PTPRD: variants seen among roughly 807,000 people sequenced by gnomAD.
The protein encoded by PTPRD is protein tyrosine phosphatase receptor type D, also known as receptor-type tyrosine-protein phosphatase delta.
PTPRD carries 34 observed loss-of-function variants against 214.5 expected under a neutral mutation model. The observed-to-expected ratio is 0.16, with a 90% confidence interval of 0.12 to 0.21. The LOEUF (loss-of-function observed/expected upper bound fraction) is 0.21, where lower values mean the gene tolerates loss of function less well. Among genes scored for constraint, PTPRD ranks in the 10% least tolerant of loss-of-function variants. PTPRD has a pLI of 1.00. For synonymous variants in PTPRD, 1,128 were observed against 845.7 expected, an observed-to-expected ratio of 1.33 and a Z score of -5.79; for missense variants, 2,545 against 2,398.7, an observed-to-expected ratio of 1.06 and a Z score of -1.27.
At chr9:8,919,383 C>A (rs944324105) in intron 11 of PTPRD, among the ~76,000 whole-genome samples, 4 of 104,756 alleles carry the variant, frequency 3.8e-5, no homozygotes, top group East Asian at 3.3e-4. Flanking sequence ...CAGAGTGAGA[C>A]CCTGTCTCAA....
chr9:9,542,472 A>G (rs1056642763), intron 8 of PTPRD, among the ~76,000 whole-genome samples: 1 of 151,786 alleles, frequency 6.6e-6, no homozygotes, highest in Admixed American at 6.6e-5. Flanking sequence ...AATTTCATCA[A>G]AATTAACAAT....
rs535920006 is a variant in PTPRD, at chr9:8,552,879, G to A, written c.353-24100C>T. On this transcript the variant is annotated intron_variant, in intron 14 of 45. Transcript: ENST00000381196. The stretch of plus-strand genomic sequence containing the variant: ...CACTGGGGCTGCTTGTGAGCCCCAC[G>A]ACTGCCGCTGTGTGACAAACACTTC... 2.9e-3 allele frequency among the ~76,000 whole-genome samples: 439 copies of A among 152,250 alleles called. 3 individuals carry two copies. The highest frequency in any genetic ancestry group is 9.8e-3 in the African/African-American group (406 of 41,538).
At chr9:10,507,575 A>G (rs978222084) in intron 2 of PTPRD, among the ~76,000 whole-genome samples, 4 of 152,274 alleles carry the variant, frequency 2.6e-5, no homozygotes, top group African/African-American at 7.2e-5. Flanking sequence ...TAACCAAAAC[A>G]GCATGCCACT....
chr9:9,186,631 CCTCTCTCTCT>C (rs141616035), intron 9 of PTPRD, among the ~76,000 whole-genome samples: 143 of 141,006 alleles, frequency 1.0e-3, no homozygotes, highest in African/African-American at 2.0e-3. Flanking sequence ...TCTGTCTCTC[CCTCTCTCTCT>C]CTCTCTCTCT....
chr9:9,921,460 A>G (rs2082513933), intron 5 of PTPRD, among the ~76,000 whole-genome samples: 1 of 151,932 alleles, frequency 6.6e-6, no homozygotes, highest in African/African-American at 2.4e-5. Flanking sequence ...ACTCACACAT[A>G]TAATTAATTC....
chr9:9,414,292 G>A (rs1212094202), intron 8 of PTPRD, among the ~76,000 whole-genome samples: 1 of 152,214 alleles, frequency 6.6e-6, no homozygotes, highest in East Asian at 1.9e-4. Flanking sequence ...CTCTCACTGT[G>A]TTCAGTCAGG....
intron 2 of PTPRD, among the ~76,000 whole-genome samples, chr9:10,482,434 G>T (rs1410047055): frequency 3.3e-5 from 5 of 151,730 alleles, no homozygotes; most frequent in African/African-American, 9.7e-5. Context: ...CAATAATTAG[G>T]CAAGATAAAG....
intron 10 of PTPRD, among the ~76,000 whole-genome samples, chr9:9,110,253 C>T (rs1009577199): frequency 7.2e-5 from 11 of 152,078 alleles, no homozygotes; most frequent in Admixed American, 4.6e-4. Flanking sequence ...AAATAAAAAC[C>T]CCAGCACACG....
At chr9:8,584,314 T>C (rs1361835146) in intron 14 of PTPRD, among the ~76,000 whole-genome samples, 1 of 152,136 alleles carries the variant, frequency 6.6e-6, no homozygotes. Flanking sequence ...ATAAATACGA[T>C]GTCTTTTCTG....
At chr9:9,897,778 TA>T (rs1432860574) in intron 5 of PTPRD, among the ~76,000 whole-genome samples, 4 of 152,142 alleles carry the variant, frequency 2.6e-5, no homozygotes, top group South Asian at 2.1e-4. Context: ...TTAAACTTGA[TA>T]TTTTTTAAAG....
At chr9:10,031,135 G>C (rs1317229721) in intron 4 of PTPRD, among the ~76,000 whole-genome samples, 1 of 152,110 alleles carries the variant, frequency 6.6e-6, no homozygotes, top group African/African-American at 2.4e-5. Context: ...TTTAAGACAA[G>C]CTAATAATAT....
At chr9:9,653,853 T>A (rs960406160) in intron 7 of PTPRD, among the ~76,000 whole-genome samples, 1 of 152,250 alleles carries the variant, frequency 6.6e-6, no homozygotes, top group Non-Finnish European at 1.5e-5. Flanking sequence ...TTAGATTTAT[T>A]TTCTTGCTCC....
At chr9:9,824,120 A>G (rs1263321600) in intron 5 of PTPRD, among the ~76,000 whole-genome samples, 1 of 152,014 alleles carries the variant, frequency 6.6e-6, no homozygotes, top group Non-Finnish European at 1.5e-5. Context: ...AGAATGATAA[A>G]TGAATTTTTT....
At chr9:9,408,897 C>T (rs2141802516) in intron 8 of PTPRD, among the ~76,000 whole-genome samples, 1 of 151,722 alleles carries the variant, frequency 6.6e-6, no homozygotes, top group South Asian at 2.1e-4. Flanking sequence ...ATAAATTTCC[C>T]AATATTGGTA....
At chr9:9,795,447 A>C (rs1159307442) in intron 5 of PTPRD, among the ~76,000 whole-genome samples, 5 of 152,170 alleles carry the variant, frequency 3.3e-5, no homozygotes, top group Admixed American at 3.3e-4. Context: ...GATAGTGGAA[A>C]AAAACAAGGT....
chr9:10,438,659 T>C (rs1371301670), intron 2 of PTPRD, among the ~76,000 whole-genome samples: 1 of 151,790 alleles, frequency 6.6e-6, no homozygotes, highest in Non-Finnish European at 1.5e-5. Context: ...GCAGTATATG[T>C]GGATCTCTTT....
chr9:8,924,352 G>A (rs918818931), intron 11 of PTPRD, among the ~76,000 whole-genome samples: 3 of 152,104 alleles, frequency 2.0e-5, no homozygotes, highest in African/African-American at 7.2e-5. Flanking sequence ...CTTGGTACAA[G>A]GAGAGGTAGG....
intron 4 of PTPRD, among the ~76,000 whole-genome samples, chr9:10,018,650 C>A (rs1442168202): frequency 7.3e-6 from 1 of 137,438 alleles, no homozygotes; most frequent in African/African-American, 2.5e-5. Flanking sequence ...CGGGTTCATG[C>A]CATTCTCCTG....
At chr9:8,323,204 G>GATA (rs1462314713) in intron 44 of PTPRD, among the ~76,000 whole-genome samples, 1 of 152,236 alleles carries the variant, frequency 6.6e-6, no homozygotes, top group Non-Finnish European at 1.5e-5. Context: ...TTCTTTTCAA[G>GATA]ATAATACTGC....
Sources: allele counts gnomAD v4.1 joint callset (sites outside exome capture counted in the v4.1 genomes callset), GRCh38; gene constraint gnomAD v4.1.1; transcripts MANE v1.5; gene names NCBI Gene and HGNC (gene_info 2026-07-23, HGNC 2026-07-21).